Variants in ULK2 observed in about 807,000 individuals in gnomAD.
The protein encoded by ULK2 is serine/threonine-protein kinase ULK2.
A neutral mutation model predicts 127.5 loss-of-function variants in ULK2; 76 were observed. The ratio of observed to expected loss-of-function variants is 0.60; its 90% CI spans 0.50 to 0.72. The LOEUF is 0.72. ULK2 is among the 30% of genes least tolerant of loss of function. The probability of loss-of-function intolerance (pLI) is 0.00; values close to 1 mark genes in which losing one functional copy is unlikely to be tolerated. For missense variants in ULK2, 1,144 were observed against 1,295.9 expected (o/e 0.88, Z 1.80); for synonymous variants, 452 against 461.9 (o/e 0.98, Z 0.28).
intron 10 of ULK2, among the ~76,000 whole-genome samples, chr17:19,830,289 T>C (rs2041405662): frequency 1.3e-5 from 2 of 152,136 alleles, no homozygotes; most frequent in African/African-American, 4.8e-5. Context: ...AGCATCAAAC[T>C]CCTGGGCTGA....
chr17:19,861,289 G>A (rs2042236813), intron 3 of ULK2, among the ~76,000 whole-genome samples: 1 of 152,160 alleles, frequency 6.6e-6, no homozygotes, highest in Non-Finnish European at 1.5e-5. Flanking sequence ...GCTCACGCCT[G>A]TTATCCCAGC....
intron 3 of ULK2, among the ~76,000 whole-genome samples, chr17:19,856,383 C>G (rs925408728): frequency 2.6e-5 from 4 of 151,382 alleles, no homozygotes; most frequent in African/African-American, 9.7e-5. Context: ...GAGATCAAGA[C>G]CATCCTGGCT....
chr17:19,828,559 C>T (rs1272317333), intron 10 of ULK2, among the ~76,000 whole-genome samples: 6 of 151,884 alleles, frequency 4.0e-5, no homozygotes, highest in African/African-American at 9.7e-5. Context: ...ATATGTAATC[C>T]GCAGGTAACC....
intron 10 of ULK2, among the ~76,000 whole-genome samples, chr17:19,829,455 T>G (rs756213599): frequency 6.8e-6 from 1 of 147,024 alleles, no homozygotes; most frequent in Non-Finnish European, 1.5e-5. Flanking sequence ...GAGGATCACT[T>G]GAGCCCAGGA....
In ULK2 at chr17:19,838,601, C is replaced by T; in HGVS notation, c.705-18G>A. ...TGGGAATACTGGGGGAAAGGAAAAA[C>T]ACAACCACCTAAGTGATAAGTTTAT... On this transcript the variant is annotated intron_variant, in intron 9 of 26. Coordinates refer to ENST00000395544, the MANE Select transcript of ULK2 (RefSeq NM_014683.4). The T allele has an allele frequency of 6.2e-7, 1 of 1,600,292 alleles. No individual in the cohort carries two copies. Among genetic ancestry groups the T allele is most frequent in the Non-Finnish European group, 8.5e-7 (1 of 1,171,254 alleles).
At chr17:19,799,152 C>T (rs62068091) in intron 17 of ULK2, among the ~76,000 whole-genome samples, 3,261 of 143,796 alleles carry the variant, frequency 0.023, 50 homozygotes, top group Non-Finnish European at 0.035. Context: ...CAGAGCGAGA[C>T]TCCATTTCAA....
At chr17:19,785,804 C>CT in intron 21 of ULK2, 133 bp downstream of exon 21, 1 of 1,095,756 alleles carries the variant, frequency 9.1e-7, no homozygotes, top group Non-Finnish European at 1.2e-6. Flanking sequence ...AAATAGTAAT[C>CT]TCCATTTCAC....
intron 21 of ULK2, among the ~76,000 whole-genome samples, chr17:19,785,043 TAAGA>T (rs2086998908): frequency 6.6e-6 from 1 of 152,186 alleles, no homozygotes; most frequent in Non-Finnish European, 1.5e-5. Context: ...ATACAACAGA[TAAGA>T]CATCAAATTA....
chr17:19,857,458 T>C (rs1316280638), intron 3 of ULK2, among the ~76,000 whole-genome samples: 1 of 152,224 alleles, frequency 6.6e-6, no homozygotes, highest in African/African-American at 2.4e-5. Flanking sequence ...TTGTTTACTT[T>C]ATATATTTAA....
chr17:19,795,700 C>G lies in ULK2; in HGVS notation c.2023G>C (p.Asp675His). 1.2e-6 allele frequency: 2 copies of G among 1,614,006 alleles called. No homozygotes were observed. Among genetic ancestry groups the G allele is most frequent in the East Asian group, 2.2e-5 (1 of 44,860 alleles). Reference protein sequence around the residue: ...GRSVSTGKLSDQQGKTPICRH... With the variant: ...GRSVSTGKLSHQQGKTPICRH... ...CATATAGGAGTCTTTCCTTGTTGATCTGATAACTTCCCGGTACTGACAGAT... is the reference window on the plus strand; with the variant it reads ...CATATAGGAGTCTTTCCTTGTTGATGTGATAACTTCCCGGTACTGACAGAT... The change falls in exon 20 of 27, where the codon GAT becomes CAT. Residue 675 changes from aspartate (D) to histidine (H), a missense_variant. By Grantham distance (81) the Asp-to-His change is moderately conservative (BLOSUM62 -1). Coordinates refer to ENST00000395544, the MANE Select transcript of ULK2 (RefSeq NM_014683.4).
intron 13 of ULK2, among the ~76,000 whole-genome samples, chr17:19,811,516 A>G (rs542636344): frequency 6.6e-6 from 1 of 151,946 alleles, no homozygotes; most frequent in South Asian, 2.1e-4. Flanking sequence ...ATCTCGGCTC[A>G]CTGCAACCTC....
intron 13 of ULK2, among the ~76,000 whole-genome samples, chr17:19,814,792 C>A (rs912932735): frequency 3.3e-5 from 5 of 152,068 alleles, no homozygotes; most frequent in African/African-American, 1.2e-4. Context: ...GCAATCCTTC[C>A]TCCTCAGCCT....
intron 10 of ULK2, among the ~76,000 whole-genome samples, chr17:19,829,154 C>T (rs2041368387): frequency 6.6e-6 from 1 of 152,086 alleles, no homozygotes; most frequent in African/African-American, 2.4e-5. Flanking sequence ...AAGCTATTCC[C>T]AGGCAAATAC....
At position 19,786,057 on chromosome 17, in the gene ULK2, C is replaced by T; in HGVS notation, c.2131G>A (p.Ala711Thr). Reference protein sequence around the residue: ...APAGACGGVLAPPAGTAASSK... With the variant: ...APAGACGGVLTPPAGTAASSK... ...CTTGCTGCTGTACCTGCAGGAGGTG[C>T]CAGAACACCACCACAGGCTCCTGCC... is the stretch of plus-strand genomic sequence containing the variant. Residue 711 changes from alanine (A) to threonine (T), a missense_variant, in exon 21 of 27, where the codon GCA becomes ACA. By Grantham distance (58) the Ala-to-Thr change is moderately conservative. Coordinates refer to ENST00000395544, the MANE Select transcript of ULK2 (RefSeq NM_014683.4). The T allele has an allele frequency of 6.4e-7, 1 of 1,568,416 alleles. No individual in the cohort carries two copies. The highest frequency in any genetic ancestry group is 8.6e-7 in the Non-Finnish European group (1 of 1,164,220).
chr17:19,797,675 T>C lies in ULK2; in HGVS notation c.1530A>G (p.Pro510=). The C allele has an allele frequency of 6.6e-7, 1 of 1,507,374 alleles. No homozygotes were observed. The highest frequency in any genetic ancestry group is 8.9e-7 in the Non-Finnish European group (1 of 1,127,210). 93.4% of individuals were successfully genotyped at this position (1,507,374 alleles called of 1,614,324 possible). A position where few individuals can be genotyped will look rare whatever the true frequency, so the allele number is the denominator to read the frequency against. ...ACTGTGGGGACTGAGCTTGTGGCAC[T>C]GGAGAACCTAACAAGAAAACAAATG... ...DSRSRNSSGS[P]VPQAQSPQSL... Residue 510 remains proline, a synonymous_variant, in exon 18 of 27, where the codon CCA becomes CCG. Coordinates refer to ENST00000395544, the MANE Select transcript of ULK2 (RefSeq NM_014683.4).
chr17:19,776,929 A>T (rs1200903784), intron 26 of ULK2, among the ~76,000 whole-genome samples: 1 of 152,224 alleles, frequency 6.6e-6, no homozygotes, highest in Non-Finnish European at 1.5e-5. Flanking sequence ...CCGTGTAGAA[A>T]TCTAAAGATG....
intron 22 of ULK2, among the ~76,000 whole-genome samples, chr17:19,782,645 G>A (rs2086943801): frequency 6.6e-6 from 1 of 152,230 alleles, no homozygotes; most frequent in Non-Finnish European, 1.5e-5. Context: ...GCCGGGCATG[G>A]TGGCTCATGC....
intron 3 of ULK2, among the ~76,000 whole-genome samples, chr17:19,856,357 C>T (rs965022021): frequency 2.6e-5 from 4 of 151,964 alleles, no homozygotes; most frequent in South Asian, 4.2e-4. Context: ...CCGAGGCAGG[C>T]GGGTCACGAG....
intron 9 of ULK2, among the ~76,000 whole-genome samples, 183 bp downstream of exon 9, chr17:19,841,304 GAA>G (rs1051868539): frequency 1.6e-4 from 24 of 152,126 alleles, no homozygotes; most frequent in Admixed American, 4.6e-4. Flanking sequence ...AAAAAAGAAA[GAA>G]AAGAGTACAG....
Sources: gnomAD v4.1 joint callset for allele counts (sites outside exome capture counted in the v4.1 genomes callset) on GRCh38, gnomAD v4.1.1 for gene constraint, MANE v1.5 for transcripts, NCBI Gene and HGNC (gene_info 2026-07-23, HGNC 2026-07-21) for gene names.